The following GSE1 variants were observed in gnomAD, a reference collection of about 807,000 sequenced individuals.
The protein encoded by GSE1 is Gse1 coiled-coil protein, also known as genetic suppressor element 1.
In GSE1, 32 loss-of-function variants were observed where a neutral mutation model predicts 112.6. That is an observed-to-expected ratio of 0.28 (90% CI 0.21 to 0.38). GSE1 has a LOEUF of 0.38. Among genes scored for constraint, GSE1 ranks in the 10% least tolerant of loss-of-function variants. The pLI is 1.00. For missense variants in GSE1, 2,348 were observed against 1,699.2 expected (o/e 1.38, Z -6.71); for synonymous variants, 1,115 against 735.6 (o/e 1.52, Z -8.35).
chr16:85,445,858 T>A (rs1416761358), intron 2 of GSE1, among the ~76,000 whole-genome samples: 3 of 152,180 alleles, frequency 2.0e-5, no homozygotes, highest in African/African-American at 7.2e-5. Flanking sequence ...GTCAGGCTGA[T>A]GAGTTCACAT....
chr16:85,364,040 A>G (rs1463995934), intron 2 of GSE1, among the ~76,000 whole-genome samples: 2 of 152,248 alleles, frequency 1.3e-5, no homozygotes, highest in East Asian at 3.8e-4. Context: ...ACGCACACAT[A>G]GTTCTTACAG....
chr16:85,260,368 G>T (rs1195871730), intron 1 of GSE1, among the ~76,000 whole-genome samples: 1 of 127,992 alleles, frequency 7.8e-6, no homozygotes, highest in African/African-American at 3.2e-5. Context: ...CTGTTGCCCA[G>T]GCTGGAGTGC....
chr16:85,210,596 A>C (rs1023621618), intron 1 of GSE1, among the ~76,000 whole-genome samples: 1 of 152,144 alleles, frequency 6.6e-6, no homozygotes, highest in Non-Finnish European at 1.5e-5. Flanking sequence ...CTTAAAAAAA[A>C]AACACCCCAG....
chr16:85,399,906 A>T (rs2151667283), intron 2 of GSE1, among the ~76,000 whole-genome samples: 1 of 152,264 alleles, frequency 6.6e-6, no homozygotes, highest in South Asian at 2.1e-4. Context: ...GCCAGGGCAG[A>T]CCCTGGGCCC....
intron 1 of GSE1, among the ~76,000 whole-genome samples, chr16:85,343,241 G>A (rs577988529): frequency 6.6e-6 from 1 of 152,330 alleles, no homozygotes; most frequent in South Asian, 2.1e-4. Context: ...TGAACGGGAA[G>A]GCCAGCCCCA....
intron 2 of GSE1, among the ~76,000 whole-genome samples, chr16:85,449,593 C>T (rs1018074636): frequency 6.6e-6 from 1 of 152,264 alleles, no homozygotes; most frequent in Non-Finnish European, 1.5e-5. Flanking sequence ...CCTGCCCTCT[C>T]TTCCGGAATG....
In GSE1 at chr16:85,672,519, C is replaced by T; in HGVS notation, c.3634C>T (p.Leu1212=). The change falls in exon 16 of 16, where the codon CTG becomes TTG. Residue 1212 remains leucine, a synonymous_variant. Transcript: ENST00000253458. ...TGCAATGCACTGGCCTAGGGGCTACCTGAAGGGATATCCCAGGTGACGGTT... is the reference window on the plus strand; with the variant it reads ...TGCAATGCACTGGCCTAGGGGCTACTTGAAGGGATATCCCAGGTGACGGTT... ...LPAMHWPRGY[L]KGYPR 1.2e-6 allele frequency: 2 copies of T among 1,608,870 alleles called. No individual in the cohort carries two copies. Among genetic ancestry groups the T allele is most frequent in the Middle Eastern group, 1.7e-4 (1 of 6,042 alleles).
At chr16:85,651,919 C>G (rs1025061386) in intron 3 of GSE1, among the ~76,000 whole-genome samples, 1 of 152,230 alleles carries the variant, frequency 6.6e-6, no homozygotes, top group African/African-American at 2.4e-5. Flanking sequence ...CTTGTTAAGT[C>G]CATCCCAGAC....
intron 2 of GSE1, among the ~76,000 whole-genome samples, chr16:85,480,455 T>C (rs2050637601): frequency 6.6e-6 from 1 of 152,086 alleles, no homozygotes; most frequent in South Asian, 2.1e-4. Flanking sequence ...TGCCGCCACC[T>C]CCACTCCACC....
intron 1 of GSE1, among the ~76,000 whole-genome samples, chr16:85,565,514 C>A (rs928190012): frequency 3.9e-5 from 6 of 152,232 alleles, no homozygotes; most frequent in African/African-American, 9.6e-5. Flanking sequence ...CCCAGAGCTG[C>A]ATCCTCGTGC....
At chr16:85,568,898 C>A (rs574466003) in intron 1 of GSE1, among the ~76,000 whole-genome samples, 2 of 152,156 alleles carry the variant, frequency 1.3e-5, no homozygotes, top group Non-Finnish European at 2.9e-5. Context: ...CAGAAGGAGC[C>A]GGAAGCTCCC....
At position 85,311,923 on chromosome 16, in the gene GSE1, C is replaced by T. The variant is rs963813829; in HGVS notation, c.2284-45540C>T. On this transcript the variant is annotated intron_variant, in intron 1 of 2. Coordinates refer to the GSE1 transcript ENST00000637419. The surrounding 1 kb of genome is among the most constrained non-coding windows in gnomAD (Gnocchi z 4.2). The stretch of plus-strand genomic sequence containing the variant: ...CCCTGCCTTCCCGGGTTCCCTCCGC[C>T]GGCCCAGCACTGCCCAGCCCCAGCC... Among the ~76,000 whole-genome samples, 9 of 152,292 alleles carry T rather than the reference C, an allele frequency of 5.9e-5. No homozygotes were observed. Among genetic ancestry groups the T allele is most frequent in the South Asian group, 2.1e-4 (1 of 4,828 alleles).
At position 85,661,397 on chromosome 16, in the gene GSE1, C is replaced by G. The variant is rs1027510471; in HGVS notation, c.1892C>G (p.Pro631Arg). 22 of 1,612,164 alleles carry G rather than the reference C, an allele frequency of 1.4e-5. No homozygotes were observed. The highest frequency in any genetic ancestry group is 1.7e-5 in the Non-Finnish European group (20 of 1,179,726). ...PLVKVERVFC[P>R]EKAEEGPRKR... ...GTGAAGGTGGAGCGGGTCTTCTGCC[C>G]GGAGAAAGCAGAGGAGGGGCCACGG... is the stretch of plus-strand genomic sequence containing the variant. Residue 631 changes from proline to arginine, a missense_variant, in exon 9 of 16, where the codon CCG becomes CGG. Coordinates refer to ENST00000253458, the MANE Select transcript of GSE1 (RefSeq NM_014615.5).
At chr16:85,234,824 G>A (rs1034787052) in intron 1 of GSE1, among the ~76,000 whole-genome samples, 4 of 152,174 alleles carry the variant, frequency 2.6e-5, no homozygotes, top group Admixed American at 1.3e-4. Context: ...GGTGGGAGCC[G>A]CGGCCGCCAG....
At chr16:85,328,758 C>T (rs573377467) in intron 1 of GSE1, among the ~76,000 whole-genome samples, 3 of 152,274 alleles carry the variant, frequency 2.0e-5, no homozygotes, top group African/African-American at 7.2e-5. Flanking sequence ...TCACAGGTTC[C>T]GCCTCTGCAG....
At chr16:85,331,431 G>GTA (rs200925970) in intron 1 of GSE1, among the ~76,000 whole-genome samples, 9,912 of 133,460 alleles carry the variant, frequency 0.074, 539 homozygotes, top group Admixed American at 0.098. Context: ...ATGTATATAT[G>GTA]TATATATATG....
At chr16:85,667,623 C>A (rs1422067692) in intron 13 of GSE1, among the ~76,000 whole-genome samples, 1 of 152,186 alleles carries the variant, frequency 6.6e-6, no homozygotes, top group Non-Finnish European at 1.5e-5. Context: ...TTTAGGAGGC[C>A]AAGGCGGGCA....
intron 1 of GSE1, among the ~76,000 whole-genome samples, chr16:85,287,849 GT>G (rs1377184205): frequency 6.6e-6 from 1 of 152,184 alleles, no homozygotes. Context: ...TGGCTGGTCT[GT>G]TTTGTTCACA....
chr16:85,601,462 C>T (rs1567634573), intron 1 of GSE1, among the ~76,000 whole-genome samples: 1 of 152,000 alleles, frequency 6.6e-6, no homozygotes, highest in Non-Finnish European at 1.5e-5. Context: ...CAGAGGAAGG[C>T]CAGGCGGGAA....
Sources: allele counts gnomAD v4.1 joint callset (sites outside exome capture counted in the v4.1 genomes callset), GRCh38; gene constraint gnomAD v4.1.1; non-coding constraint Gnocchi (gnomAD v3.1); transcripts MANE v1.5; gene names NCBI Gene and HGNC (gene_info 2026-07-23, HGNC 2026-07-21).